CES5A: variants seen among roughly 807,000 people sequenced by gnomAD.
The protein encoded by CES5A is carboxylesterase 5A.
Under a neutral mutation model 62.9 loss-of-function variants are expected in CES5A, and 67 were observed. The observed-to-expected ratio is 1.07, with a 90% CI of 0.88 to 1.31. CES5A has a LOEUF of 1.31. Among genes scored for constraint, CES5A ranks in the 50% most tolerant of loss-of-function variants. CES5A has a pLI of 0.00. For synonymous variants in CES5A, 296 were observed against 280.8 expected, an observed-to-expected ratio of 1.05 and a Z score of -0.54; for missense variants, 748 against 708.5, an observed-to-expected ratio of 1.06 and a Z score of -0.63.
At chr16:55,872,050 G>A (rs922746932) in intron 2 of CES5A, among the ~76,000 whole-genome samples, 1 of 152,040 alleles carries the variant, frequency 6.6e-6, no homozygotes, top group Non-Finnish European at 1.5e-5. Context: ...ACCCTCCTAT[G>A]CCACCACCAT....
chr16:55,874,550 T>A (rs2033659813), intron 1 of CES5A, among the ~76,000 whole-genome samples: 1 of 152,074 alleles, frequency 6.6e-6, no homozygotes, highest in South Asian at 2.1e-4. Context: ...TTCCAAGTAA[T>A]GACATTTATG....
intron 9 of CES5A, among the ~76,000 whole-genome samples, chr16:55,855,160 T>C (rs2033214648): frequency 6.6e-6 from 1 of 152,254 alleles, no homozygotes; most frequent in Non-Finnish European, 1.5e-5. Context: ...TTGAAGTGTC[T>C]TGTCATCTCT....
chr16:55,879,114 C>T (rs1240865160), upstream of CES5A, among the ~76,000 whole-genome samples: 1 of 149,098 alleles, frequency 6.7e-6, no homozygotes, highest in Non-Finnish European at 1.5e-5. Flanking sequence ...ACCACTGCAC[C>T]CCACCACTGC....
chr16:55,847,021 A>G (rs749275694), intron 11 of CES5A, among the ~76,000 whole-genome samples, 181 bp from the exon 12 acceptor site: 2 of 152,120 alleles, frequency 1.3e-5, no homozygotes, highest in Non-Finnish European at 2.9e-5. Flanking sequence ...GGACCTGTCC[A>G]AGGAACTGTG....
At chr16:55,856,516 G>A in intron 8 of CES5A, 71 bp from the exon 9 acceptor site, 1 of 1,455,360 alleles carries the variant, frequency 6.9e-7, no homozygotes. Context: ...CCAAGGGCCT[G>A]GGCAGCTGAC....
chr16:55,931,592 A>T (rs1360836131), intron 2 of CES5A, among the ~76,000 whole-genome samples: 1 of 152,046 alleles, frequency 6.6e-6, no homozygotes, highest in Non-Finnish European at 1.5e-5. Context: ...CACCCCTCTG[A>T]TCCTTTATGC....
chr16:55,939,186 TC>T (rs1159349361), intron 2 of CES5A, among the ~76,000 whole-genome samples: 1 of 152,136 alleles, frequency 6.6e-6, no homozygotes, highest in African/African-American at 2.4e-5. Context: ...TCCTACTAGT[TC>T]CCACAAAAGT....
In CES5A at chr16:55,953,378, C is replaced by A. The variant is rs142977945; in HGVS notation, c.42+2466G>T. ...AAATGTAACTCTGAAGAGAAAGAGACAAAACTGTTAGTATATGCAGTCAGT... is the reference window on the plus strand; with the variant it reads ...AAATGTAACTCTGAAGAGAAAGAGAAAAAACTGTTAGTATATGCAGTCAGT... On this transcript the variant is annotated intron_variant, in intron 1 of 13. Transcript: ENST00000521992. 5.5e-4 allele frequency among the ~76,000 whole-genome samples: 84 copies of A among 152,086 alleles called. 1 individual carries two copies. Among genetic ancestry groups the A allele is most frequent in the African/African-American group, 2.0e-3 (83 of 41,492 alleles).
chr16:55,955,357 A>T (rs2142491733), intron 1 of CES5A, among the ~76,000 whole-genome samples: 1 of 152,368 alleles, frequency 6.6e-6, no homozygotes, highest in South Asian at 2.1e-4. Context: ...CACACAGTTA[A>T]ACTGATTTAA....
intron 2 of CES5A, chr16:55,944,021 C>G: frequency 1.4e-6 from 1 of 702,008 alleles, no homozygotes; most frequent in Non-Finnish European, 2.6e-6. Context: ...GGAAAAATCG[C>G]AAGTCATTGA....
At chr16:55,921,912 A>G (rs1409603638) in intron 1 of CES5A, among the ~76,000 whole-genome samples, 3 of 152,004 alleles carry the variant, frequency 2.0e-5, no homozygotes, top group Non-Finnish European at 4.4e-5. Flanking sequence ...AGGTTTTTAA[A>G]ATTATTTTTG....
Position 55,865,981 on chromosome 16 carries a change from G to T in CES5A, c.687C>A (p.Ala229=). The T allele has an allele frequency of 6.2e-7, 1 of 1,614,220 alleles. No individual in the cohort carries two copies. Among genetic ancestry groups the T allele is most frequent in the East Asian group, 2.2e-5 (1 of 44,884 alleles). Residue 229 remains alanine (A), a synonymous_variant, in exon 5 of 13, where the codon GCC becomes GCA. Transcript: ENST00000290567. Reference sequence around the variant, plus strand: ...AACTCACAAGACTAGAAACACTTATGGCTCCCGCGGACTCGCCAAAGATGG... The same window carrying T: ...AACTCACAAGACTAGAAACACTTATTGCTCCCGCGGACTCGCCAAAGATGG... The part of the protein sequence containing the change: ...SVTIFGESAG[A]ISVSSLILSP...
intron 2 of CES5A, among the ~76,000 whole-genome samples, chr16:55,946,576 C>T (rs1456440938): frequency 6.6e-6 from 1 of 152,214 alleles, no homozygotes; most frequent in Admixed American, 6.5e-5. Flanking sequence ...ACCTGAAATT[C>T]TCACTGTTAG....
At chr16:55,928,550 T>A (rs2034280266), upstream of CES5A, among the ~76,000 whole-genome samples, 1 of 152,182 alleles carries the variant, frequency 6.6e-6, no homozygotes, top group African/African-American at 2.4e-5. Flanking sequence ...CAAAACCCAC[T>A]TGTACCCTAA....
intron 1 of CES5A, among the ~76,000 whole-genome samples, chr16:55,953,034 A>G (rs61398812): frequency 0.039 from 5,935 of 152,278 alleles, 249 homozygotes; most frequent in African/African-American, 0.097. Context: ...GTCAAAACTA[A>G]TAAGGTATTA....
At chr16:55,866,711 G>A (rs549384995) in intron 4 of CES5A, among the ~76,000 whole-genome samples, 8 of 148,406 alleles carry the variant, frequency 5.4e-5, no homozygotes, top group African/African-American at 1.2e-4. Flanking sequence ...GGTGGCAGGC[G>A]CCTGTAGTCC....
intron 1 of CES5A, among the ~76,000 whole-genome samples, chr16:55,921,665 CA>C (rs534436343): frequency 0.027 from 3,359 of 124,364 alleles, 132 homozygotes; most frequent in African/African-American, 0.091. Flanking sequence ...CATTGAAGTG[CA>C]AAAAAAAAAA....
chr16:55,856,419 G>A lies in CES5A; in HGVS notation c.1083C>T (p.Gly361=). Residue 361 remains glycine (G), a synonymous_variant, in exon 9 of 13, where the codon GGC becomes GGT. Coordinates refer to ENST00000290567, the MANE Select transcript of CES5A (RefSeq NM_001143685.2). ...PMKEAPEILS[G]SNKSLALHLI... ...GATGGAGGGCAAGGGACTTGTTGGA[G>A]CCACTGAGGATCTCAGGAGCCTCCT... The A allele has an allele frequency of 6.2e-7, 1 of 1,614,114 alleles. No individual in the cohort carries two copies. Among genetic ancestry groups the A allele is most frequent in the Non-Finnish European group, 8.5e-7 (1 of 1,179,998 alleles).
At chr16:55,919,479 G>A (rs564584253) in intron 1 of CES5A, among the ~76,000 whole-genome samples, 94 of 152,148 alleles carry the variant, frequency 6.2e-4, no homozygotes, top group Middle Eastern at 3.4e-3. Context: ...TTTTATCTTC[G>A]CTTTCCTCAG....
Sources: gnomAD v4.1 joint callset for allele counts (sites outside exome capture counted in the v4.1 genomes callset) on GRCh38, gnomAD v4.1.1 for gene constraint, MANE v1.5 for transcripts, NCBI Gene and HGNC (gene_info 2026-07-23, HGNC 2026-07-21) for gene names.